The following VMP1 variants were observed in gnomAD, a reference collection of about 807,000 sequenced individuals.
VMP1 encodes the protein vacuole membrane protein 1, also known as ectopic P-granules autophagy protein 3 homolog.
A neutral mutation model predicts 56.0 loss-of-function variants in VMP1; 11 were observed. That is an observed-to-expected ratio of 0.20 (90% CI 0.12 to 0.32). The LOEUF is 0.32. VMP1 is among the 10% of genes least tolerant of loss of function. The pLI, the probability that VMP1 is intolerant of heterozygous loss-of-function variation, is 1.00. For synonymous variants in VMP1, 149 were observed against 165.0 expected (o/e 0.90, Z 0.74); for missense variants, 296 against 490.3 (o/e 0.60, Z 3.74).
intron 7 of VMP1, among the ~76,000 whole-genome samples, chr17:59,794,216 G>T (rs981550216): frequency 1.4e-3 from 130 of 92,106 alleles, no homozygotes; most frequent in Middle Eastern, 0.022. Flanking sequence ...CACCGCACCC[G>T]GCCTTTTTTT....
intron 7 of VMP1, 77 bp downstream of exon 7, chr17:59,773,962 T>C (rs776807304): frequency 3.4e-5 from 45 of 1,329,084 alleles, no homozygotes; most frequent in Middle Eastern, 2.3e-4. Flanking sequence ...TGTTAGTAGT[T>C]ACTCTGAAGA....
At chr17:59,820,913 C>A (rs555049583) in intron 10 of VMP1, among the ~76,000 whole-genome samples, 9 of 151,684 alleles carry the variant, frequency 5.9e-5, no homozygotes, top group African/African-American at 2.2e-4. Context: ...AATAGAAATG[C>A]CTTTAAGCTT....
At chr17:59,783,548 A>C (rs2036899843) in intron 7 of VMP1, among the ~76,000 whole-genome samples, 1 of 152,050 alleles carries the variant, frequency 6.6e-6, no homozygotes, top group Admixed American at 6.6e-5. Context: ...TGCTTTGTGG[A>C]CTGTTTTATG....
At chr17:59,733,035 C>T (rs553449280) in intron 2 of VMP1, among the ~76,000 whole-genome samples, 1 of 152,016 alleles carries the variant, frequency 6.6e-6, no homozygotes, top group Non-Finnish European at 1.5e-5. Context: ...TGGATGTGAT[C>T]GTATGCGCCT....
intron 10 of VMP1, among the ~76,000 whole-genome samples, chr17:59,824,108 G>A (rs189906477): frequency 1.1e-4 from 16 of 151,822 alleles, no homozygotes; most frequent in Non-Finnish European, 1.5e-4. Context: ...AAAATTAGCC[G>A]GGCATGGTGG....
intron 6 of VMP1, among the ~76,000 whole-genome samples, chr17:59,772,202 G>A (rs764222249): frequency 4.0e-5 from 6 of 151,712 alleles, no homozygotes; most frequent in Non-Finnish European, 8.8e-5. Flanking sequence ...TGTTGCCGAG[G>A]CTGGTCTCAA....
chr17:59,708,759 T>C (rs537139994), intron 1 of VMP1, among the ~76,000 whole-genome samples: 1 of 152,346 alleles, frequency 6.6e-6, no homozygotes, highest in South Asian at 2.1e-4. Context: ...AGTTGTGTAT[T>C]CTTAGCATAG....
At chr17:59,827,806 C>G (rs2038688505) in intron 10 of VMP1, among the ~76,000 whole-genome samples, 1 of 151,876 alleles carries the variant, frequency 6.6e-6, no homozygotes, top group Admixed American at 6.6e-5. Context: ...TAAAAATTAG[C>G]TACTGTGGCC....
chr17:59,742,882 G>A (rs1443376437), intron 5 of VMP1, among the ~76,000 whole-genome samples: 1 of 152,094 alleles, frequency 6.6e-6, no homozygotes, highest in African/African-American at 2.4e-5. Flanking sequence ...TGCTCTTTAT[G>A]AAAATCTAAT....
chr17:59,803,516 T>TA (rs1420399727), intron 7 of VMP1, among the ~76,000 whole-genome samples: 8 of 152,244 alleles, frequency 5.3e-5, no homozygotes, highest in Non-Finnish European at 5.9e-5. Context: ...TGATTTGTAA[T>TA]TGCTAATTGT....
In VMP1 at chr17:59,840,173, G is replaced by A. The variant is rs1270469593; in HGVS notation, c.*262G>A. 1 of 397,966 alleles carries A rather than the reference G, an allele frequency of 2.5e-6. No individual in the cohort carries two copies. Among genetic ancestry groups the A allele is most frequent in the African/African-American group, 2.1e-5 (1 of 47,044 alleles). 24.7% of individuals were successfully genotyped at this position (397,966 alleles called of 1,614,324 possible). ...TCAGCAGCAAACTTGCAACAGACTG[G>A]CCTTCTGTTTGTTACTTTCAAAAGG... On this transcript the variant is annotated 3_prime_UTR_variant, in exon 12 of 12. Coordinates refer to ENST00000262291, the MANE Select transcript of VMP1 (RefSeq NM_030938.5).
intron 7 of VMP1, among the ~76,000 whole-genome samples, chr17:59,781,440 T>C (rs1455904525): frequency 2.0e-5 from 3 of 152,236 alleles, no homozygotes; most frequent in African/African-American, 7.2e-5. Context: ...CCATAAATTT[T>C]AGTCACAAGT....
chr17:59,789,814 TTC>T (rs1223347309), intron 7 of VMP1, among the ~76,000 whole-genome samples: 3 of 149,490 alleles, frequency 2.0e-5, no homozygotes, highest in Non-Finnish European at 4.4e-5. Context: ...TCTTTCTTCC[TTC>T]CTTCCTTTCT....
At chr17:59,711,072 CAA>C (rs34793194) in intron 1 of VMP1, among the ~76,000 whole-genome samples, 1 of 126,066 alleles carries the variant, frequency 7.9e-6, no homozygotes, top group South Asian at 2.3e-4. Flanking sequence ...GACTCCATCT[CAA>C]AAAAAAAAGA....
chr17:59,811,609 G>A (rs2038052953), intron 8 of VMP1, 61 bp from the exon 9 acceptor site: 2 of 1,240,622 alleles, frequency 1.6e-6, no homozygotes, highest in East Asian at 4.6e-5. Flanking sequence ...ATATCAATGG[G>A]TGATAAAATT....
chr17:59,743,011 A>G (rs528982966), intron 5 of VMP1, among the ~76,000 whole-genome samples: 229 of 152,244 alleles, frequency 1.5e-3, no homozygotes, highest in African/African-American at 4.8e-3. Context: ...GACCACTGCC[A>G]TAACACCTTT....
intron 10 of VMP1, among the ~76,000 whole-genome samples, chr17:59,828,454 C>T (rs1465837518): frequency 1.3e-5 from 2 of 152,122 alleles, no homozygotes; most frequent in African/African-American, 4.8e-5. Flanking sequence ...AGAAAGAAAC[C>T]CATGGTGTCA....
In VMP1 at chr17:59,781,675, T is replaced by G. The variant is rs1315814609; in HGVS notation, c.714+7790T>G. Among the ~76,000 whole-genome samples the G allele has an allele frequency of 2.6e-5, 4 of 152,166 alleles. No homozygotes were observed. The East Asian group carries it at 7.7e-4, about 29-fold the overall frequency. On this transcript the variant is annotated intron_variant, in intron 7 of 11. Coordinates refer to ENST00000262291, the MANE Select transcript of VMP1 (RefSeq NM_030938.5). Reference sequence around the variant, plus strand: ...CCACGCCATCAAATATTTTCACATCTTTGCTATAACGGGTTTTTTTCTTAC... The same window carrying G: ...CCACGCCATCAAATATTTTCACATCGTTGCTATAACGGGTTTTTTTCTTAC...
chr17:59,816,971 AAAG>A (rs1487813568), intron 9 of VMP1, among the ~76,000 whole-genome samples: 14 of 145,504 alleles, frequency 9.6e-5, no homozygotes, highest in Admixed American at 6.8e-4. Context: ...AAAAAGAAAG[AAAG>A]AAAAAAAAAA....
Sources: gnomAD v4.1 joint callset for allele counts (sites outside exome capture counted in the v4.1 genomes callset) on GRCh38, gnomAD v4.1.1 for gene constraint, MANE v1.5 for transcripts, NCBI Gene and HGNC (gene_info 2026-07-23, HGNC 2026-07-21) for gene names.